The following DPP6 variants were observed in gnomAD, a reference collection of about 807,000 sequenced individuals.
DPP6 encodes A-type potassium channel modulatory protein DPP6.
Under a neutral mutation model 122.6 loss-of-function variants are expected in DPP6, and 69 were observed. That is an observed-to-expected ratio of 0.56 (90% CI 0.46 to 0.69). DPP6 has a LOEUF of 0.69. DPP6 is among the 30% of genes least tolerant of loss of function. The pLI is 0.00. For synonymous variants in DPP6, 418 were observed against 433.1 expected, an observed-to-expected ratio of 0.97 and a Z score of 0.43; for missense variants, 928 against 1,116.9, an observed-to-expected ratio of 0.83 and a Z score of 2.41.
At chr7:154,401,399 C>T (rs1206796718) in intron 1 of DPP6, among the ~76,000 whole-genome samples, 1 of 151,006 alleles carries the variant, frequency 6.6e-6, no homozygotes, top group Admixed American at 6.6e-5. Context: ...TCAGTACAAC[C>T]CCAAATTATT....
chr7:154,680,079 C>A (rs1839190144), intron 7 of DPP6, among the ~76,000 whole-genome samples: 1 of 151,898 alleles, frequency 6.6e-6, no homozygotes, highest in Admixed American at 6.6e-5. Context: ...AATTATGGGG[C>A]CCTTTCCTGC....
At chr7:154,076,229 C>T (rs1448556553) in intron 1 of DPP6, among the ~76,000 whole-genome samples, 3 of 152,180 alleles carry the variant, frequency 2.0e-5, no homozygotes, top group South Asian at 2.1e-4. Flanking sequence ...GCAGGTGGAT[C>T]GCCTGAGGTC....
At chr7:154,060,956 G>A (rs1266821537) in intron 1 of DPP6, among the ~76,000 whole-genome samples, 3 of 118,408 alleles carry the variant, frequency 2.5e-5, no homozygotes, top group Non-Finnish European at 3.6e-5. Context: ...CATCGTTGAT[G>A]TTAAGATCCT....
At chr7:153,934,960 T>G (rs986074811) in intron 1 of DPP6, among the ~76,000 whole-genome samples, 1 of 152,172 alleles carries the variant, frequency 6.6e-6, no homozygotes, top group Non-Finnish European at 1.5e-5. Flanking sequence ...GCTTCGGCAC[T>G]GAGGTAGCGG....
intron 1 of DPP6, among the ~76,000 whole-genome samples, chr7:154,312,635 G>A (rs772564381): frequency 2.6e-5 from 4 of 152,170 alleles, no homozygotes; most frequent in Non-Finnish European, 5.9e-5. Context: ...CAGAGGGGGC[G>A]ATGGGAGACC....
intron 6 of DPP6, among the ~76,000 whole-genome samples, chr7:154,667,086 T>G (rs1432059116): frequency 6.6e-6 from 1 of 152,240 alleles, no homozygotes; most frequent in Non-Finnish European, 1.5e-5. Flanking sequence ...TTCATATGTA[T>G]TTGAGTACCT....
At chr7:154,270,643 C>T (rs184252397) in intron 1 of DPP6, among the ~76,000 whole-genome samples, 51 of 152,210 alleles carry the variant, frequency 3.4e-4, no homozygotes, top group African/African-American at 8.7e-4. Flanking sequence ...ACCCTTAAGG[C>T]GGCAAAGTGT....
chr7:154,059,330 T>A (rs1189625078), intron 1 of DPP6: 6 of 159,278 alleles, frequency 3.8e-5, no homozygotes, highest in Middle Eastern at 3.1e-3. Flanking sequence ...CCCCCCTGGC[T>A]TAGGGCCCCC....
the DPP6 span, among the ~76,000 whole-genome samples, chr7:153,870,930 G>T: frequency 6.6e-6 from 1 of 152,192 alleles, no homozygotes; most frequent in Non-Finnish European, 1.5e-5. Context: ...GACCTTGTTT[G>T]CTTGGGTATC....
chr7:154,821,953 G>A lies in DPP6; in HGVS notation c.1666+14841G>A, dbSNP rs55692841. 0.018 allele frequency among the ~76,000 whole-genome samples: 2,742 copies of A among 152,138 alleles called. 74 individuals carry two copies. The highest frequency in any genetic ancestry group is 0.063 in the African/African-American group (2,612 of 41,502). ...GCGGTGCTTCCGGTTAAAAGCCAGT[G>A]TGGAATACATGTCTCAAGCTTCCCT... On this transcript the variant is annotated intron_variant, in intron 16 of 25. Coordinates refer to ENST00000377770, the MANE Select transcript of DPP6 (RefSeq NM_130797.4). The surrounding 1 kb of genome is among the most constrained non-coding windows in gnomAD (Gnocchi z 4.2).
intron 5 of DPP6, among the ~76,000 whole-genome samples, chr7:154,598,984 G>GCT (rs1563914682): frequency 1.3e-5 from 2 of 152,152 alleles, no homozygotes; most frequent in Non-Finnish European, 2.9e-5. Flanking sequence ...GGGAGAGCTT[G>GCT]CTATTGGCCT....
Position 153,891,225 on chromosome 7 carries a change from T to C in DPP6, c.51+3491T>C, listed in dbSNP as rs545700022. 3.3e-5 allele frequency among the ~76,000 whole-genome samples: 5 copies of C among 151,440 alleles called. No homozygotes were observed. The South Asian group carries it at 8.4e-4, about 25-fold the overall frequency. On this transcript the variant is annotated intron_variant, in intron 1 of 25. Transcript: ENST00000404039. ...TTTTCGTAGAGACGGGGTTTCGCCATGTTAGCCAGGATGGTCTCGATCTCT... is the reference window on the plus strand; with the variant it reads ...TTTTCGTAGAGACGGGGTTTCGCCACGTTAGCCAGGATGGTCTCGATCTCT...
the DPP6 span, among the ~76,000 whole-genome samples, chr7:153,795,558 TTTTA>T: frequency 6.6e-6 from 1 of 152,094 alleles, no homozygotes. Context: ...TAGCTTTTGG[TTTTA>T]TTTATTTTCT....
intron 1 of DPP6, among the ~76,000 whole-genome samples, chr7:154,429,832 G>A (rs1423042632): frequency 6.6e-6 from 1 of 152,186 alleles, no homozygotes; most frequent in Non-Finnish European, 1.5e-5. Flanking sequence ...TGTCACATCA[G>A]CAATGCAGGT....
intron 1 of DPP6, among the ~76,000 whole-genome samples, chr7:153,956,457 A>T (rs1393278891): frequency 6.6e-6 from 1 of 152,204 alleles, no homozygotes; most frequent in Non-Finnish European, 1.5e-5. Context: ...CTTACAGAGC[A>T]TAGAAAGCCC....
intron 1 of DPP6, among the ~76,000 whole-genome samples, chr7:153,912,355 G>A (rs1800128788): frequency 6.6e-6 from 1 of 152,226 alleles, no homozygotes; most frequent in Non-Finnish European, 1.5e-5. Context: ...GGGGAGGTCA[G>A]AGAGAACCCA....
At chr7:154,882,681 C>T (rs1370893066) in intron 21 of DPP6, among the ~76,000 whole-genome samples, 2 of 150,102 alleles carry the variant, frequency 1.3e-5, no homozygotes, top group South Asian at 2.2e-4. Context: ...CACCGAAAAT[C>T]CCCCCTGCAG....
chr7:154,878,207 G>A (rs368008128), intron 20 of DPP6, among the ~76,000 whole-genome samples: 31 of 152,312 alleles, frequency 2.0e-4, no homozygotes, highest in East Asian at 1.5e-3. Context: ...GCTCCCCTTC[G>A]ACACTTGGCT....
chr7:153,889,994 C>T (rs1799117483), intron 1 of DPP6, among the ~76,000 whole-genome samples: 4 of 152,218 alleles, frequency 2.6e-5, no homozygotes, highest in African/African-American at 9.6e-5. Context: ...TCTCAAGTTG[C>T]TTTGGAAGAC....
Sources: allele counts gnomAD v4.1 joint callset (sites outside exome capture counted in the v4.1 genomes callset), GRCh38; gene constraint gnomAD v4.1.1; non-coding constraint Gnocchi (gnomAD v3.1); transcripts MANE v1.5; gene names NCBI Gene and HGNC (gene_info 2026-07-23, HGNC 2026-07-21).